Variants in COL5A2 observed in about 807,000 individuals in gnomAD.
COL5A2 encodes collagen alpha-2(V) chain.
In COL5A2, 23 loss-of-function variants were observed where a neutral mutation model predicts 208.2. The observed-to-expected ratio is 0.11, with a 90% CI of 0.08 to 0.16. The LOEUF is 0.16. Ranked by LOEUF, COL5A2 falls within the 10% of genes least tolerant of loss-of-function variation. The pLI, the probability that COL5A2 is intolerant of heterozygous loss-of-function variation, is 1.00. For missense variants in COL5A2, 1,590 were observed against 1,956.4 expected, an observed-to-expected ratio of 0.81 and a Z score of 3.53; for synonymous variants, 625 against 628.5, an observed-to-expected ratio of 0.99 and a Z score of 0.08.
Position 189,043,224 on chromosome 2 carries a change from T to C in COL5A2, c.3398A>G (p.His1133Arg), listed in dbSNP as rs1352719790. 1.9e-6 allele frequency: 3 copies of C among 1,613,960 alleles called. No individual in the cohort carries two copies. Among genetic ancestry groups the C allele is most frequent in the Non-Finnish European group, 2.5e-6 (3 of 1,179,864 alleles). Residue 1133 changes from histidine to arginine, a missense_variant, in exon 48 of 54, where the codon CAT (histidine) becomes CGT (arginine). By Grantham distance (29) the His-to-Arg change is conservative (BLOSUM62 0). Transcript: ENST00000374866. ...CTGACCTCTGTCACCTCGGTCTCCATGATCACCTTTGTCACCACGAGGTCC... is the reference window on the plus strand; with the variant it reads ...CTGACCTCTGTCACCTCGGTCTCCACGATCACCTTTGTCACCACGAGGTCC... ...PQGPRGDKGD[H>R]GDRGDRGQKG...
chr2:189,343,860 C>T, the COL5A2 span, among the ~76,000 whole-genome samples: 1 of 152,142 alleles, frequency 6.6e-6, no homozygotes, highest in African/African-American at 2.4e-5. Flanking sequence ...GTGCCAAACC[C>T]TGACACCTCA....
At chr2:189,210,432 GAA>G (rs34973641) in intron 1 of COL5A2, among the ~76,000 whole-genome samples, 115 of 134,852 alleles carry the variant, frequency 8.5e-4, no homozygotes, top group East Asian at 1.9e-3. Flanking sequence ...TGTTGAGCTT[GAA>G]AAAAAAAAAA....
In COL5A2 at chr2:189,161,737, G is replaced by C. The variant is rs76674524; in HGVS notation, c.97+17771C>G. Among the ~76,000 whole-genome samples, 526 of 152,268 alleles carry C rather than the reference G, an allele frequency of 3.5e-3. 3 individuals are homozygous for C. Among genetic ancestry groups the C allele is most frequent in the African/African-American group, 0.012 (488 of 41,526 alleles). On this transcript the variant is annotated intron_variant, in intron 1 of 53. Coordinates refer to ENST00000374866, the MANE Select transcript of COL5A2 (RefSeq NM_000393.5). ...GCTGGATCTGACTTTCTGGGTTTGA[G>C]AGATGGTCTTTACCCTCAAGGAGCA...
the COL5A2 span, among the ~76,000 whole-genome samples, chr2:189,294,870 C>T: frequency 3.6e-4 from 55 of 152,150 alleles, no homozygotes; most frequent in Non-Finnish European, 6.5e-4. Flanking sequence ...ACAGTCATGG[C>T]TCACTGCAGC....
the COL5A2 span, among the ~76,000 whole-genome samples, chr2:189,320,541 C>T: frequency 3.9e-5 from 6 of 151,956 alleles, no homozygotes; most frequent in East Asian, 1.9e-4. Context: ...GTAGCCGACT[C>T]GATCAACTGG....
chr2:189,280,813 T>C, the COL5A2 span, among the ~76,000 whole-genome samples: 3 of 152,054 alleles, frequency 2.0e-5, no homozygotes, highest in Non-Finnish European at 4.4e-5. Flanking sequence ...AAGAATACAA[T>C]TCTCAATGGA....
chr2:189,101,765 A>C (rs72906384), intron 3 of COL5A2, among the ~76,000 whole-genome samples: 19,960 of 152,028 alleles, frequency 0.13, 1,335 homozygotes, highest in Middle Eastern at 0.19. Context: ...CTCTGGAAGT[A>C]AGGAATAAAT....
chr2:189,112,131 A>G (rs1687295603), intron 1 of COL5A2, among the ~76,000 whole-genome samples: 1 of 152,154 alleles, frequency 6.6e-6, no homozygotes, highest in African/African-American at 2.4e-5. Flanking sequence ...TGCTGGGATT[A>G]CAGCCGTGAA....
chr2:189,316,139 G>A, the COL5A2 span, among the ~76,000 whole-genome samples: 1 of 152,050 alleles, frequency 6.6e-6, no homozygotes, highest in African/African-American at 2.4e-5. Flanking sequence ...AAATCACTCT[G>A]TTATAAAGAC....
Position 189,045,882 on chromosome 2 carries a change from G to A in COL5A2, c.3227C>T (p.Ala1076Val), listed in dbSNP as rs750087898. The A allele has an allele frequency of 1.2e-6, 2 of 1,614,088 alleles. No homozygotes were observed. The highest frequency in any genetic ancestry group is 1.7e-6 in the Non-Finnish European group (2 of 1,179,972). ...ERGDRGDPGP[A>V]GLPGSQGAPG... ...GGCACCCTGAGAGCCTGGCAGACCT[G>A]CAGGCCCAGGGTCTCCACGATCACC... The change falls in exon 46 of 54, where the codon GCA becomes GTA. Residue 1076 changes from alanine to valine, a missense_variant. Transcript: ENST00000374866.
chr2:189,099,205 C>A (rs1467208715), intron 4 of COL5A2, among the ~76,000 whole-genome samples: 5 of 152,044 alleles, frequency 3.3e-5, no homozygotes, highest in Non-Finnish European at 7.4e-5. Flanking sequence ...AGTAAGCACA[C>A]ATAAATGCTT....
At chr2:189,102,744 T>A (rs1365698655) in intron 3 of COL5A2, among the ~76,000 whole-genome samples, 1 of 152,140 alleles carries the variant, frequency 6.6e-6, no homozygotes, top group African/African-American at 2.4e-5. Flanking sequence ...ATGTTGGAGT[T>A]AACATGAATT....
chr2:189,200,192 A>G (rs1576584094), intron 1 of COL5A2, among the ~76,000 whole-genome samples: 1 of 152,314 alleles, frequency 6.6e-6, no homozygotes, highest in African/African-American at 2.4e-5. Flanking sequence ...CATAAATAAT[A>G]CCTTGATGGT....
chr2:189,110,376 G>T lies in COL5A2; in HGVS notation c.171C>A (p.Ala57=). 1 of 1,614,088 alleles carries T rather than the reference G, an allele frequency of 6.2e-7. No homozygotes were observed. Among genetic ancestry groups the T allele is most frequent in the Non-Finnish European group, 8.5e-7 (1 of 1,180,004 alleles). ...MYLNRDIWKP[A]PCQICVCDNG... ...TGTCACAGACACAGATCTGACAAGG[G>T]GCAGGTTTCCAAATGTCCCTGTTTA... The change falls in exon 2 of 54, where the codon GCC becomes GCA. Residue 57 remains alanine (A), a synonymous_variant. Transcript: ENST00000374866.
At chr2:189,235,642 T>C in the COL5A2 span, among the ~76,000 whole-genome samples, 1 of 151,862 alleles carries the variant, frequency 6.6e-6, no homozygotes, top group Non-Finnish European at 1.5e-5. Flanking sequence ...TTTTGGAATA[T>C]AATTCCCATT....
At chr2:189,138,447 A>G (rs1687867689) in intron 1 of COL5A2, among the ~76,000 whole-genome samples, 2 of 152,144 alleles carry the variant, frequency 1.3e-5, no homozygotes, top group African/African-American at 4.8e-5. Context: ...ATATTAACTC[A>G]TACATGCTTA....
intron 51 of COL5A2, among the ~76,000 whole-genome samples, chr2:189,037,417 T>C: frequency 6.6e-6 from 1 of 152,230 alleles, no homozygotes; most frequent in Admixed American, 6.5e-5. Flanking sequence ...TTTGTGTGTA[T>C]ATTATATAAA....
At chr2:189,111,410 T>C (rs1051643554) in intron 1 of COL5A2, among the ~76,000 whole-genome samples, 1 of 152,326 alleles carries the variant, frequency 6.6e-6, no homozygotes, top group Admixed American at 6.5e-5. Flanking sequence ...CCCAACTACT[T>C]AAATTCAAAA....
At chr2:189,166,944 A>C (rs1465564027) in intron 1 of COL5A2, among the ~76,000 whole-genome samples, 1 of 152,252 alleles carries the variant, frequency 6.6e-6, no homozygotes, top group African/African-American at 2.4e-5. Context: ...ATAAGAGGTC[A>C]GGCTGGAAGG....
Sources: allele counts gnomAD v4.1 joint callset (sites outside exome capture counted in the v4.1 genomes callset), GRCh38; gene constraint gnomAD v4.1.1; transcripts MANE v1.5; gene names NCBI Gene and HGNC (gene_info 2026-07-23, HGNC 2026-07-21).